The following PRKN variants were observed in gnomAD, a reference collection of about 807,000 sequenced individuals.
PRKN encodes the protein E3 ubiquitin-protein ligase parkin.
In PRKN, 56 loss-of-function variants were observed where a neutral mutation model predicts 59.5. The observed-to-expected ratio is 0.94, with a 90% CI of 0.76 to 1.18. The LOEUF (loss-of-function observed/expected upper bound fraction) is 1.18. Ranked by LOEUF, PRKN falls within the 50% of genes most tolerant of loss-of-function variation. The pLI, the probability that PRKN is intolerant of heterozygous loss-of-function variation, is 0.00. For synonymous variants in PRKN, 250 were observed against 222.1 expected, an observed-to-expected ratio of 1.13 and a Z score of -1.12; for missense variants, 657 against 596.4, an observed-to-expected ratio of 1.10 and a Z score of -1.06.
intron 1 of PRKN, among the ~76,000 whole-genome samples, chr6:162,468,585 A>G (rs1791550270): frequency 6.6e-6 from 1 of 152,218 alleles, no homozygotes; most frequent in Non-Finnish European, 1.5e-5. Flanking sequence ...GCAGGAATGC[A>G]GATTGGATGG....
intron 6 of PRKN, among the ~76,000 whole-genome samples, chr6:161,927,617 T>C (rs1367377435): frequency 6.6e-6 from 1 of 152,158 alleles, no homozygotes; most frequent in Non-Finnish European, 1.5e-5. Context: ...GAAATCAATC[T>C]AAACAATAAT....
intron 1 of PRKN, among the ~76,000 whole-genome samples, chr6:162,445,294 T>C (rs2128168498): frequency 6.6e-6 from 1 of 152,268 alleles, no homozygotes; most frequent in South Asian, 2.1e-4. Context: ...TCTAAGGACA[T>C]TAATTACTTT....
intron 1 of PRKN, among the ~76,000 whole-genome samples, chr6:162,634,920 C>T (rs1351718068): frequency 6.6e-6 from 1 of 152,206 alleles, no homozygotes; most frequent in African/African-American, 2.4e-5. Context: ...ATTAAACATT[C>T]TTAGACTCCA....
chr6:162,087,321 T>C (rs545641190), intron 4 of PRKN, among the ~76,000 whole-genome samples: 2 of 152,268 alleles, frequency 1.3e-5, no homozygotes, highest in Admixed American at 1.3e-4. Context: ...TATCAAAAAC[T>C]TTCCTAAAAA....
intron 3 of PRKN, among the ~76,000 whole-genome samples, chr6:162,239,803 T>C (rs1778909241): frequency 6.6e-6 from 1 of 151,570 alleles, no homozygotes; most frequent in Non-Finnish European, 1.5e-5. Context: ...TCCAGTGGGC[T>C]CGACTATTTT....
At chr6:161,553,578 T>C (rs1780121687) in intron 8 of PRKN, among the ~76,000 whole-genome samples, 1 of 152,250 alleles carries the variant, frequency 6.6e-6, no homozygotes, top group Admixed American at 6.5e-5. Flanking sequence ...AGTAACTAGA[T>C]TAATTTATTG....
chr6:162,234,615 C>G (rs1778566989), intron 3 of PRKN, among the ~76,000 whole-genome samples: 1 of 152,118 alleles, frequency 6.6e-6, no homozygotes, highest in Non-Finnish European at 1.5e-5. Flanking sequence ...ACTTGTAATA[C>G]CTATGACAAG....
intron 6 of PRKN, among the ~76,000 whole-genome samples, chr6:161,857,195 C>A (rs1408545215): frequency 6.6e-6 from 1 of 152,186 alleles, no homozygotes; most frequent in African/African-American, 2.4e-5. Flanking sequence ...AACCACGGAA[C>A]TCCAGCCTGG....
Position 161,683,856 on chromosome 6 carries a change from C to T in PRKN, c.871+101916G>A, listed in dbSNP as rs182086250. On this transcript the variant is annotated intron_variant, in intron 7 of 11. Transcript: ENST00000366898. ...CAAAGAGCCACAGCAAAAACACCAGCGAGAAGACAGCTGCCATGATTTAAA... is the reference window on the plus strand; with the variant it reads ...CAAAGAGCCACAGCAAAAACACCAGTGAGAAGACAGCTGCCATGATTTAAA... Among the ~76,000 whole-genome samples, 27 of 152,060 alleles carry T rather than the reference C, an allele frequency of 1.8e-4. No individual in the cohort carries two copies. The East Asian group carries it at 5.0e-3, about 28-fold the overall frequency.
In PRKN at chr6:161,576,846, G is replaced by A. The variant is rs924708651; in HGVS notation, c.872-7430C>T. ...TGAGTTAATATGAGTTAGCTAGAGT[G>A]AAATGTATCAAAACAGGTAAATCTC... On this transcript the variant is annotated intron_variant, in intron 7 of 11. Coordinates refer to ENST00000366898, the MANE Select transcript of PRKN (RefSeq NM_004562.3). This position sits in a 1 kb window ranked among gnomAD's most constrained non-coding sequence, Gnocchi z 4.6. 6.6e-6 allele frequency among the ~76,000 whole-genome samples: 1 copy of A among 152,198 alleles called. No homozygotes were observed. The highest frequency in any genetic ancestry group is 1.5e-5 in the Non-Finnish European group (1 of 68,044).
chr6:161,727,277 C>T (rs1426404066), intron 7 of PRKN, among the ~76,000 whole-genome samples: 2 of 152,106 alleles, frequency 1.3e-5, no homozygotes, highest in Non-Finnish European at 2.9e-5. Flanking sequence ...CATTAGTTCC[C>T]GCTGTTATCC....
chr6:162,399,399 T>G (rs1216894616), intron 2 of PRKN, among the ~76,000 whole-genome samples: 1 of 152,098 alleles, frequency 6.6e-6, no homozygotes, highest in African/African-American at 2.4e-5. Context: ...GCAGTCTGTA[T>G]CCATGAGGCA....
At chr6:162,021,503 T>C (rs1783199176) in intron 5 of PRKN, among the ~76,000 whole-genome samples, 1 of 149,376 alleles carries the variant, frequency 6.7e-6, no homozygotes, top group Admixed American at 6.7e-5. Flanking sequence ...TAAAATAATC[T>C]TTTAATTTCG....
intron 1 of PRKN, among the ~76,000 whole-genome samples, chr6:162,647,708 A>G (rs1778238458): frequency 6.6e-6 from 1 of 152,050 alleles, no homozygotes; most frequent in Non-Finnish European, 1.5e-5. Flanking sequence ...AGCATGCCAG[A>G]GTTTGTAGTA....
chr6:161,758,150 A>T (rs1789032990), intron 7 of PRKN, among the ~76,000 whole-genome samples: 1 of 151,840 alleles, frequency 6.6e-6, no homozygotes, highest in Non-Finnish European at 1.5e-5. Context: ...AAATGGTACA[A>T]CCACCACGGA....
At chr6:162,086,722 C>A (rs560351953) in intron 4 of PRKN, among the ~76,000 whole-genome samples, 30 of 152,264 alleles carry the variant, frequency 2.0e-4, no homozygotes, top group African/African-American at 6.7e-4. Flanking sequence ...ATGCTAGCAG[C>A]TCTTCAAATA....
chr6:162,052,180 G>A (rs965031544), intron 5 of PRKN, among the ~76,000 whole-genome samples: 4 of 151,816 alleles, frequency 2.6e-5, no homozygotes, highest in Admixed American at 2.6e-4. Context: ...TTTTTTTCAG[G>A]TCAAATTTCA....
chr6:162,262,478 A>G, intron 3 of PRKN, 47 bp downstream of exon 3: 1 of 1,609,524 alleles, frequency 6.2e-7, no homozygotes, highest in Non-Finnish European at 8.5e-7. Flanking sequence ...AGACTGCACT[A>G]AACAAACAAA....
At chr6:162,206,155 G>A (rs980354732) in intron 3 of PRKN, among the ~76,000 whole-genome samples, 1 of 152,086 alleles carries the variant, frequency 6.6e-6, no homozygotes, top group Non-Finnish European at 1.5e-5. Flanking sequence ...CTACACCAAG[G>A]GGATCTGTTC....
Sources: gnomAD v4.1 joint callset for allele counts (sites outside exome capture counted in the v4.1 genomes callset) on GRCh38, gnomAD v4.1.1 for gene constraint, Gnocchi (gnomAD v3.1) non-coding constraint, MANE v1.5 for transcripts, NCBI Gene and HGNC (gene_info 2026-07-23, HGNC 2026-07-21) for gene names.